The following MARCHF3 variants were observed in gnomAD, a reference collection of about 807,000 sequenced individuals.
MARCHF3 encodes the protein membrane associated ring-CH-type finger 3.
A neutral mutation model predicts 24.2 loss-of-function variants in MARCHF3; 13 were observed. That is an observed-to-expected ratio of 0.54 (90% CI 0.35 to 0.85). The LOEUF is 0.85. Among genes scored for constraint, MARCHF3 ranks in the 40% least tolerant of loss-of-function variants. The pLI, the probability that MARCHF3 is intolerant of heterozygous loss-of-function variation, is 0.01. For missense variants in MARCHF3, 276 were observed against 325.0 expected, an observed-to-expected ratio of 0.85 and a Z score of 1.16; for synonymous variants, 144 against 137.3, an observed-to-expected ratio of 1.05 and a Z score of -0.34.
At chr5:126,954,970 A>G (rs576469896) in intron 1 of MARCHF3, among the ~76,000 whole-genome samples, 1 of 152,280 alleles carries the variant, frequency 6.6e-6, no homozygotes, top group South Asian at 2.1e-4. Flanking sequence ...TACTACACAT[A>G]GGCATCTATA....
At chr5:126,947,576 C>A (rs534034178) in intron 1 of MARCHF3, among the ~76,000 whole-genome samples, 1 of 152,128 alleles carries the variant, frequency 6.6e-6, no homozygotes, top group Admixed American at 6.5e-5. Context: ...TGAATTGCAA[C>A]AGATGTACCC....
intron 1 of MARCHF3, among the ~76,000 whole-genome samples, chr5:126,932,030 T>C (rs1023191539): frequency 3.9e-5 from 6 of 152,206 alleles, no homozygotes; most frequent in Admixed American, 2.0e-4. Context: ...TGAAATAACA[T>C]ATATAAAGTG....
chr5:126,992,494 T>C (rs1385568677), intron 1 of MARCHF3, among the ~76,000 whole-genome samples: 1 of 152,212 alleles, frequency 6.6e-6, no homozygotes, highest in Non-Finnish European at 1.5e-5. Flanking sequence ...TTCTATTTTG[T>C]TAAAGTGAGT....
intron 3 of MARCHF3, among the ~76,000 whole-genome samples, chr5:126,910,039 C>G (rs1020751239): frequency 1.3e-5 from 2 of 152,198 alleles, no homozygotes; most frequent in Non-Finnish European, 2.9e-5. Flanking sequence ...TATCAATCAG[C>G]TGGTTGTGTG....
At chr5:127,029,582 T>G (rs1312244130) in intron 1 of MARCHF3, among the ~76,000 whole-genome samples, 2 of 152,288 alleles carry the variant, frequency 1.3e-5, no homozygotes, top group Non-Finnish European at 2.9e-5. Context: ...TGTCAATTCC[T>G]GACTCAACTT....
rs538683160 is a variant in MARCHF3 at position 127,010,471 on chromosome 5, C to T, written c.-57+19879G>A. Among the ~76,000 whole-genome samples the T allele has an allele frequency of 3.3e-5, 5 of 152,216 alleles. No homozygotes were observed. The East Asian group carries it at 5.8e-4, about 18-fold the overall frequency. ...CAAACCAGCTCACTTTTGTGAGGGTCGAGAACCAGGCCACAGTGGCACATC... is the reference window on the plus strand; with the variant it reads ...CAAACCAGCTCACTTTTGTGAGGGTTGAGAACCAGGCCACAGTGGCACATC... On this transcript the variant is annotated intron_variant, in intron 1 of 4. Coordinates refer to ENST00000308660, the MANE Select transcript of MARCHF3 (RefSeq NM_178450.5).
chr5:126,968,810 CT>C (rs1258987381), intron 1 of MARCHF3, among the ~76,000 whole-genome samples: 1 of 152,078 alleles, frequency 6.6e-6, no homozygotes, highest in Non-Finnish European at 1.5e-5. Flanking sequence ...CTACCCAGGC[CT>C]CCCAAAGTGC....
intron 1 of MARCHF3, among the ~76,000 whole-genome samples, chr5:126,957,512 T>A (rs1364539656): frequency 1.3e-5 from 2 of 152,188 alleles, no homozygotes; most frequent in African/African-American, 4.8e-5. Flanking sequence ...TATTTTGGTG[T>A]ATTGCATGAT....
intron 1 of MARCHF3, among the ~76,000 whole-genome samples, chr5:127,022,765 G>A (rs1192193733): frequency 1.3e-5 from 2 of 152,198 alleles, no homozygotes; most frequent in African/African-American, 4.8e-5. Context: ...ATCTGGGGTT[G>A]CTCATCTTCT....
chr5:126,939,057 T>C (rs1339304530), intron 1 of MARCHF3, among the ~76,000 whole-genome samples: 1 of 152,208 alleles, frequency 6.6e-6, no homozygotes, highest in Non-Finnish European at 1.5e-5. Flanking sequence ...CTTAGAAAGA[T>C]TGCCAGAGGT....
At chr5:127,008,531 A>C (rs1274298694) in intron 1 of MARCHF3, among the ~76,000 whole-genome samples, 1 of 152,224 alleles carries the variant, frequency 6.6e-6, no homozygotes, top group Non-Finnish European at 1.5e-5. Context: ...TGGAAGCCTT[A>C]ACAGCTGCAA....
At chr5:127,013,872 C>A (rs371012046) in intron 1 of MARCHF3, among the ~76,000 whole-genome samples, 3 of 152,030 alleles carry the variant, frequency 2.0e-5, no homozygotes, top group East Asian at 1.9e-4. Context: ...AAACTAGATC[C>A]TACCTCTGCC....
chr5:126,994,585 A>G (rs1245809394), intron 1 of MARCHF3, among the ~76,000 whole-genome samples: 1 of 152,262 alleles, frequency 6.6e-6, no homozygotes, highest in East Asian at 1.9e-4. Flanking sequence ...GCAGACTTCA[A>G]AACAACTGAT....
At chr5:126,919,003 C>T (rs1749008083) in intron 1 of MARCHF3, among the ~76,000 whole-genome samples, 1 of 152,152 alleles carries the variant, frequency 6.6e-6, no homozygotes, top group Non-Finnish European at 1.5e-5. Flanking sequence ...GATGTATATG[C>T]ATCATCATAG....
At chr5:126,999,349 G>A (rs555123744) in intron 1 of MARCHF3, among the ~76,000 whole-genome samples, 10 of 152,140 alleles carry the variant, frequency 6.6e-5, no homozygotes, top group Non-Finnish European at 1.3e-4. Flanking sequence ...ATTAGAGCCG[G>A]CCAGTCCAAC....
chr5:126,986,352 T>C (rs1394730465), intron 1 of MARCHF3, among the ~76,000 whole-genome samples: 1 of 152,244 alleles, frequency 6.6e-6, no homozygotes, highest in Non-Finnish European at 1.5e-5. Flanking sequence ...TATTAACTTA[T>C]GCCTTTATTA....
intron 4 of MARCHF3, among the ~76,000 whole-genome samples, chr5:126,872,868 T>C (rs61496590): frequency 0.084 from 12,730 of 151,994 alleles, 1,154 homozygotes; most frequent in African/African-American, 0.23. Flanking sequence ...TTTTTTCAAG[T>C]GTGATTCTCT....
chr5:127,029,856 C>A (rs1048545476), intron 1 of MARCHF3: 1 of 152,290 alleles, frequency 6.6e-6, no homozygotes, highest in Non-Finnish European at 1.5e-5. Context: ...CTCTCAGTAG[C>A]TGCAGAGCAC....
At chr5:126,994,918 G>A (rs1450039571) in intron 1 of MARCHF3, among the ~76,000 whole-genome samples, 1 of 152,238 alleles carries the variant, frequency 6.6e-6, no homozygotes, top group Non-Finnish European at 1.5e-5. Context: ...TGAAGAACTT[G>A]GAGTCTGATG....
Sources: allele counts gnomAD v4.1 joint callset (sites outside exome capture counted in the v4.1 genomes callset), GRCh38; gene constraint gnomAD v4.1.1; transcripts MANE v1.5; gene names NCBI Gene and HGNC (gene_info 2026-07-23, HGNC 2026-07-21).